Variants in KIAA1549L observed in about 807,000 individuals in gnomAD.
KIAA1549L encodes the protein UPF0606 protein KIAA1549L.
A neutral mutation model predicts 160.7 loss-of-function variants in KIAA1549L; 88 were observed. That is an observed-to-expected ratio of 0.55 (90% confidence interval 0.46 to 0.65). KIAA1549L has a LOEUF of 0.65. Among genes scored for constraint, KIAA1549L ranks in the 30% least tolerant of loss-of-function variants. KIAA1549L has a pLI of 0.00. For missense variants in KIAA1549L, 2,258 were observed against 2,437.5 expected (o/e 0.93, Z 1.55); for synonymous variants, 950 against 976.7 (o/e 0.97, Z 0.51).
intron 11 of KIAA1549L, 120 bp from the exon 12 acceptor site, chr11:33,591,117 T>G: frequency 1.4e-6 from 1 of 707,818 alleles, no homozygotes; most frequent in Non-Finnish European, 2.5e-6. Flanking sequence ...AGTTAACTCT[T>G]GTTTATTAAT....
In KIAA1549L at chr11:33,618,566, G is replaced by A; in HGVS notation, c.5313G>A (p.Arg1771=). ...TGAAGAACTCTGTCTACAGAAGCCGGCAGTCTCTGAACAGCCCGAGTCCAG... is the reference window on the plus strand; with the variant it reads ...TGAAGAACTCTGTCTACAGAAGCCGACAGTCTCTGAACAGCCCGAGTCCAG... ...QQMKNSVYRS[R]QSLNSPSPGE... Residue 1771 remains arginine, a synonymous_variant, in exon 16 of 21, where the codon CGG becomes CGA. Coordinates refer to ENST00000658780, the MANE Select transcript of KIAA1549L (RefSeq NM_012194.3). 6.2e-7 allele frequency: 1 copy of A among 1,609,274 alleles called. No individual in the cohort carries two copies. The highest frequency in any genetic ancestry group is 8.5e-7 in the Non-Finnish European group (1 of 1,176,812).
At chr11:33,434,925 G>A (rs1851324376) in intron 1 of KIAA1549L, among the ~76,000 whole-genome samples, 1 of 152,180 alleles carries the variant, frequency 6.6e-6, no homozygotes, top group African/African-American at 2.4e-5. Flanking sequence ...GTGTTTGAAA[G>A]CCACCATTAT....
chr11:33,650,209 G>A (rs962309572), intron 17 of KIAA1549L, among the ~76,000 whole-genome samples: 4 of 152,134 alleles, frequency 2.6e-5, no homozygotes, highest in African/African-American at 9.7e-5. Context: ...CCTTGGAACG[G>A]CCCCAAGAAA....
At position 33,618,621 on chromosome 11, in the gene KIAA1549L, C is replaced by A. The variant is rs546647919; in HGVS notation, c.5368C>A (p.Arg1790=). 1 of 1,605,438 alleles carries A rather than the reference C, an allele frequency of 6.2e-7. No homozygotes were observed. Among genetic ancestry groups the A allele is most frequent in the Non-Finnish European group, 8.5e-7 (1 of 1,175,392 alleles). The part of the protein sequence containing the change: ...GETEMDLLVT[R]ERPRRGIRNS... ...AACCGAGATGGACCTTCTGGTGACT[C>A]GGGAGCGACCCCGGCGTGGAATCCG... Residue 1790 remains arginine, a synonymous_variant, in exon 16 of 21, where the codon CGG becomes AGG. Coordinates refer to ENST00000658780, the MANE Select transcript of KIAA1549L (RefSeq NM_012194.3).
chr11:33,522,685 C>T (rs1187653685), intron 1 of KIAA1549L, among the ~76,000 whole-genome samples: 1 of 152,066 alleles, frequency 6.6e-6, no homozygotes, highest in Non-Finnish European at 1.5e-5. Flanking sequence ...CACTTGAGGC[C>T]AGGAGTTTGA....
At chr11:33,501,313 C>G (rs1852943108) in intron 1 of KIAA1549L, among the ~76,000 whole-genome samples, 1 of 152,208 alleles carries the variant, frequency 6.6e-6, no homozygotes, top group Admixed American at 6.5e-5. Context: ...GTTCTCCAAA[C>G]CTTTCTTGCT....
intron 16 of KIAA1549L, among the ~76,000 whole-genome samples, chr11:33,623,696 G>A (rs991013522): frequency 4.6e-5 from 7 of 152,136 alleles, no homozygotes; most frequent in African/African-American, 1.7e-4. Context: ...CTTGGCGAGT[G>A]GGGAGTGGGA....
At chr11:33,405,654 C>T (rs889326715) in intron 1 of KIAA1549L, among the ~76,000 whole-genome samples, 1 of 151,442 alleles carries the variant, frequency 6.6e-6, no homozygotes, top group African/African-American at 2.4e-5. Context: ...ACATCCTGGC[C>T]AACATGGTGA....
At chr11:33,654,237 G>A (rs889903852) in intron 17 of KIAA1549L, among the ~76,000 whole-genome samples, 18 of 152,348 alleles carry the variant, frequency 1.2e-4, no homozygotes, top group Admixed American at 1.0e-3. Flanking sequence ...CTCCCAAAGT[G>A]CTGGGATTAC....
chr11:33,633,737 T>G (rs73477281), intron 16 of KIAA1549L, among the ~76,000 whole-genome samples: 6,569 of 152,268 alleles, frequency 0.043, 467 homozygotes, highest in African/African-American at 0.15. Context: ...GTTTATATAT[T>G]GTTCTTGAAG....
intron 1 of KIAA1549L, among the ~76,000 whole-genome samples, chr11:33,539,887 T>A (rs1405505508): frequency 6.6e-6 from 1 of 152,234 alleles, no homozygotes; most frequent in Non-Finnish European, 1.5e-5. Context: ...GACTTTCACA[T>A]GTGAATGTCA....
chr11:33,379,683 G>A (rs149341529), intron 1 of KIAA1549L, among the ~76,000 whole-genome samples: 122 of 152,300 alleles, frequency 8.0e-4, no homozygotes, highest in Non-Finnish European at 8.8e-4. Flanking sequence ...GTGACTGTCT[G>A]GGTCTCAGTT....
chr11:33,551,225 T>C lies in KIAA1549L; in HGVS notation c.3687T>C (p.Asn1229=). The C allele has an allele frequency of 1.2e-6, 2 of 1,613,534 alleles. No individual in the cohort carries two copies. The highest frequency in any genetic ancestry group is 1.7e-6 in the Non-Finnish European group (2 of 1,179,844). The stretch of plus-strand genomic sequence containing the variant: ...TGGCAGTACTTGCCTCCCCATGGAA[T>C]CCCCAGCCTGCAGGCTACTTCCAGC... The part of the protein sequence containing the change: ...QSVAVLASPW[N]PQPAGYFQLK... The change falls in exon 5 of 21, where the codon AAT becomes AAC. Residue 1229 remains asparagine (N), a synonymous_variant. Transcript: ENST00000658780.
intron 1 of KIAA1549L, among the ~76,000 whole-genome samples, chr11:33,432,972 A>C (rs1851280639): frequency 6.6e-6 from 1 of 152,270 alleles, no homozygotes; most frequent in African/African-American, 2.4e-5. Context: ...ACCTAAAACC[A>C]TAAAAACCCT....
In KIAA1549L at chr11:33,645,935, G is replaced by A; in HGVS notation, c.5659G>A (p.Val1887Met). The A allele has an allele frequency of 5.0e-6, 8 of 1,613,126 alleles. No individual in the cohort carries two copies. The highest frequency in any genetic ancestry group is 6.8e-6 in the Non-Finnish European group (8 of 1,179,536). ...AGCCCAGCACCTGCCCTATTCGGAGGTGGTGACCAGCGCTCCGGGGACCAT... is the reference window on the plus strand; with the variant it reads ...AGCCCAGCACCTGCCCTATTCGGAGATGGTGACCAGCGCTCCGGGGACCAT... ...GSAQHLPYSE[V>M]VTSAPGTMTR... Residue 1887 changes from valine (V) to methionine (M), a missense_variant, in exon 17 of 21, where the codon GTG (valine) becomes ATG (methionine). Physicochemically the swap from Val to Met is conservative, Grantham distance 21. Transcript: ENST00000658780.
At chr11:33,642,893 C>T (rs1272728287) in intron 16 of KIAA1549L, among the ~76,000 whole-genome samples, 1 of 152,154 alleles carries the variant, frequency 6.6e-6, no homozygotes, top group Admixed American at 6.5e-5. Flanking sequence ...TTTAAGTTCA[C>T]AAAGCTTGAT....
intron 16 of KIAA1549L, among the ~76,000 whole-genome samples, chr11:33,642,012 G>A (rs1232833737): frequency 6.6e-6 from 1 of 152,058 alleles, no homozygotes; most frequent in Non-Finnish European, 1.5e-5. Flanking sequence ...TAAGCAAAAG[G>A]ACAAACTTAT....
chr11:33,655,940 A>C (rs1445216084), intron 17 of KIAA1549L, 72 bp from the exon 18 acceptor site: 1 of 1,059,014 alleles, frequency 9.4e-7, no homozygotes, highest in Non-Finnish European at 1.5e-6. Flanking sequence ...TCCTCCTCAA[A>C]CAAGAGGAAC....
At chr11:33,569,416 C>A (rs145359623) in intron 9 of KIAA1549L, among the ~76,000 whole-genome samples, 16 of 152,320 alleles carry the variant, frequency 1.1e-4, no homozygotes, top group African/African-American at 3.6e-4. Flanking sequence ...GAGCAGACTA[C>A]CCCTGGCATG....
Sources: allele counts gnomAD v4.1 joint callset (sites outside exome capture counted in the v4.1 genomes callset), GRCh38; gene constraint gnomAD v4.1.1; transcripts MANE v1.5; gene names NCBI Gene and HGNC (gene_info 2026-07-23, HGNC 2026-07-21).